SPAG16: variants seen among roughly 807,000 people sequenced by gnomAD.
SPAG16 encodes the protein sperm-associated antigen 16 protein.
In SPAG16, 86 loss-of-function variants were observed where a neutral mutation model predicts 80.4. That is an observed-to-expected ratio of 1.07 (90% CI 0.90 to 1.28). The LOEUF (loss-of-function observed/expected upper bound fraction) is 1.28, where lower values mean the gene tolerates loss of function less well. SPAG16 is among the 50% of genes most tolerant of loss of function. The pLI is 0.00. For missense variants in SPAG16, 870 were observed against 765.3 expected (o/e 1.14, Z -1.61); for synonymous variants, 294 against 265.9 (o/e 1.11, Z -1.03).
chr2:214,053,845 T>C (rs1221115418), intron 13 of SPAG16, among the ~76,000 whole-genome samples: 1 of 152,184 alleles, frequency 6.6e-6, no homozygotes, highest in Non-Finnish European at 1.5e-5. Flanking sequence ...AATATATACC[T>C]AAGTGAAGTT....
chr2:214,307,378 C>G lies in SPAG16; in HGVS notation c.1721-102762C>G, dbSNP rs529075743. Among the ~76,000 whole-genome samples the G allele has an allele frequency of 3.9e-5, 6 of 152,156 alleles. No homozygotes were observed. In the East Asian group the frequency reaches 1.2e-3, roughly 29 times the overall value. ...TGATCTTTTGAATGGTTTTTCATATCTCAATCTCCTTCAGTTCAGCTCTGA... is the reference window on the plus strand; with the variant it reads ...TGATCTTTTGAATGGTTTTTCATATGTCAATCTCCTTCAGTTCAGCTCTGA... On this transcript the variant is annotated intron_variant, in intron 15 of 15. Coordinates refer to ENST00000331683, the MANE Select transcript of SPAG16 (RefSeq NM_024532.5).
rs1553677674 is a variant in SPAG16, at chr2:213,949,179, T to TTTTTTTTTTTTTTTTTTTTTTTTTG, written c.1400+19048_1400+19049insTTTTTTTTTTGTTTTTTTTTTTTTT. ...TACTTAATTACAACAGTTTTTTTTTTTTTTTTTTTTTTTTGAGGTAGAGTC... is the reference window on the plus strand; with the variant it reads ...TACTTAATTACAACAGTTTTTTTTTTTTTTTTTTTTTTTTTTTTTTTTTTGTTTTTTTTTTTTTTGAGGTAGAGTC... On this transcript the variant is annotated intron_variant, in intron 12 of 15. Transcript: ENST00000331683. 5.7e-3 allele frequency among the ~76,000 whole-genome samples: 206 copies of TTTTTTTTTTTTTTTTTTTTTTTTTG among 36,238 alleles called. 10 individuals carry two copies. Among genetic ancestry groups the TTTTTTTTTTTTTTTTTTTTTTTTTG allele is most frequent in the African/African-American group, 7.1e-3 (87 of 12,272 alleles). 23.8% of individuals were successfully genotyped at this position (36,238 alleles called of 152,430 possible). A position where few individuals can be genotyped will look rare whatever the true frequency, so the allele number is the denominator to read the frequency against.
At chr2:213,290,849 C>G (rs988778618) in intron 1 of SPAG16, among the ~76,000 whole-genome samples, 5 of 152,164 alleles carry the variant, frequency 3.3e-5, no homozygotes, top group Non-Finnish European at 5.9e-5. Context: ...CAAAACAATG[C>G]TTTCCAAAGT....
chr2:213,787,284 G>T (rs923605596), intron 10 of SPAG16, among the ~76,000 whole-genome samples: 1 of 152,096 alleles, frequency 6.6e-6, no homozygotes, highest in Non-Finnish European at 1.5e-5. Flanking sequence ...TAAAGAAGTA[G>T]AAGTTGATGA....
At chr2:213,497,237 A>G (rs2074533247) in intron 10 of SPAG16, among the ~76,000 whole-genome samples, 1 of 152,188 alleles carries the variant, frequency 6.6e-6, no homozygotes, top group Non-Finnish European at 1.5e-5. Context: ...TGCAGCAAAT[A>G]TAAACATTCA....
chr2:213,746,144 A>G lies in SPAG16; in HGVS notation c.1071-116341A>G, dbSNP rs558913298. On this transcript the variant is annotated intron_variant, in intron 10 of 15. Transcript: ENST00000331683. ...CTGGCATATTTTTTGTCATAGACAC[A>G]TAGATATTACTTGAAACCAAATATG... Among the ~76,000 whole-genome samples, 41 of 152,346 alleles carry G rather than the reference A, an allele frequency of 2.7e-4. No individual in the cohort carries two copies. In the South Asian group the frequency reaches 5.6e-3, roughly 21 times the overall value.
intron 15 of SPAG16, among the ~76,000 whole-genome samples, chr2:214,219,437 A>T (rs1029155874): frequency 6.6e-6 from 1 of 152,164 alleles, no homozygotes; most frequent in African/African-American, 2.4e-5. Flanking sequence ...TTATTTACTT[A>T]TGTAAAATTT....
At chr2:213,800,583 G>T (rs139284663) in intron 10 of SPAG16, among the ~76,000 whole-genome samples, 322 of 152,174 alleles carry the variant, frequency 2.1e-3, no homozygotes, top group African/African-American at 7.5e-3. Flanking sequence ...CTAAGTTGCC[G>T]AGGCTGGCAT....
At chr2:214,206,334 G>C (rs2058144611) in intron 15 of SPAG16, among the ~76,000 whole-genome samples, 1 of 152,026 alleles carries the variant, frequency 6.6e-6, no homozygotes, top group Non-Finnish European at 1.5e-5. Context: ...ACCTTCATGA[G>C]ATTAACGTTT....
rs565663641 is a variant in SPAG16, at chr2:213,355,413, A to T, written c.762+4768A>T. Among the ~76,000 whole-genome samples the T allele has an allele frequency of 1.6e-4, 25 of 152,294 alleles. 1 individual carries two copies. Among genetic ancestry groups the T allele is most frequent in the Middle Eastern group, 3.4e-3 (1 of 294 alleles). ...TAACTCTGTGAAGAAAGTCATTGGT[A>T]GCTTGATGGGGAAGGCATTGAATCT... On this transcript the variant is annotated intron_variant, in intron 7 of 15. Transcript: ENST00000331683.
At chr2:213,310,715 T>C (rs7566391) in intron 4 of SPAG16, among the ~76,000 whole-genome samples, 11,281 of 151,884 alleles carry the variant, frequency 0.074, 1,377 homozygotes, top group African/African-American at 0.25. Context: ...CAAAATATTT[T>C]CTTGTTATAA....
chr2:213,676,586 G>A (rs1005520895), intron 10 of SPAG16, among the ~76,000 whole-genome samples: 100 of 152,230 alleles, frequency 6.6e-4, no homozygotes, highest in African/African-American at 2.3e-3. Context: ...AGAGTTTTTA[G>A]CATGAAGGGT....
intron 10 of SPAG16, among the ~76,000 whole-genome samples, chr2:213,514,852 TAA>T (rs1055194866): frequency 2.2e-5 from 3 of 135,988 alleles, no homozygotes; most frequent in African/African-American, 1.1e-4. Context: ...GGAATCCTAT[TAA>T]GTTATTTTAC....
Position 213,904,676 on chromosome 2 carries a change from C to G in SPAG16, c.1215-25284C>G, listed in dbSNP as rs553062318. Among the ~76,000 whole-genome samples the G allele has an allele frequency of 2.3e-3, 338 of 149,870 alleles. 1 individual carries two copies. The highest frequency in any genetic ancestry group is 7.8e-3 in the African/African-American group (321 of 40,952). On this transcript the variant is annotated intron_variant, in intron 11 of 15. Coordinates refer to ENST00000331683, the MANE Select transcript of SPAG16 (RefSeq NM_024532.5). The stretch of plus-strand genomic sequence containing the variant: ...ATGAGACTGGAATTTAGATAGGCCT[C>G]TCTTCTCTGATGTGTCTTTCTGTAA...
intron 10 of SPAG16, among the ~76,000 whole-genome samples, chr2:213,723,812 A>G (rs1559411154): frequency 6.6e-6 from 1 of 152,336 alleles, no homozygotes; most frequent in East Asian, 1.9e-4. Flanking sequence ...TTTGTATACT[A>G]TAGAAAATGC....
chr2:214,291,691 T>C (rs770696114), intron 15 of SPAG16, among the ~76,000 whole-genome samples: 1 of 152,236 alleles, frequency 6.6e-6, no homozygotes. Flanking sequence ...ATTATTGATA[T>C]GTAAGGTTTA....
At chr2:213,389,029 T>A (rs893126193) in intron 9 of SPAG16, among the ~76,000 whole-genome samples, 1 of 152,158 alleles carries the variant, frequency 6.6e-6, no homozygotes, top group African/African-American at 2.4e-5. Context: ...ACTGCAAAGC[T>A]ACAGTAATCA....
At chr2:213,422,070 C>T (rs2069627629) in intron 9 of SPAG16, 1 of 616,116 alleles carries the variant, frequency 1.6e-6, no homozygotes, top group Non-Finnish European at 2.9e-6. Context: ...GACCCACTAA[C>T]TGGTAGGGGA....
intron 13 of SPAG16, among the ~76,000 whole-genome samples, chr2:214,102,925 C>T (rs986311810): frequency 6.6e-6 from 1 of 152,138 alleles, no homozygotes; most frequent in African/African-American, 2.4e-5. Flanking sequence ...AAAGGGAGGC[C>T]TTTAACCTTG....
Sources: gnomAD v4.1 joint callset for allele counts (sites outside exome capture counted in the v4.1 genomes callset) on GRCh38, gnomAD v4.1.1 for gene constraint, MANE v1.5 for transcripts, NCBI Gene and HGNC (gene_info 2026-07-23, HGNC 2026-07-21) for gene names.